The following AOAH variants were observed in gnomAD, a reference collection of about 807,000 sequenced individuals.
AOAH encodes acyloxyacyl hydrolase (neutrophil).
Under a neutral mutation model 92.2 loss-of-function variants are expected in AOAH, and 64 were observed. That is an observed-to-expected ratio of 0.69 (90% CI 0.57 to 0.86). The LOEUF is 0.86. Ranked by LOEUF, AOAH falls within the 40% of genes least tolerant of loss-of-function variation. AOAH has a pLI of 0.00. For missense variants in AOAH, 656 were observed against 694.6 expected (o/e 0.94, Z 0.62); for synonymous variants, 263 against 254.5 (o/e 1.03, Z -0.32).
intron 15 of AOAH, among the ~76,000 whole-genome samples, chr7:36,546,687 T>C (rs1173684007): frequency 6.6e-6 from 1 of 152,242 alleles, no homozygotes; most frequent in Non-Finnish European, 1.5e-5. Context: ...GCACATGTTC[T>C]TTATTCAGTA....
chr7:36,678,550 A>AGTGTGTGTGTGTGTGTGTGTGT (rs529261307), intron 2 of AOAH, among the ~76,000 whole-genome samples: 23 of 118,932 alleles, frequency 1.9e-4, no homozygotes, highest in East Asian at 9.8e-4. Context: ...TAAGATAAGC[A>AGTGTGTGTGTGTGTGTGTGTGT]GTGTGTGTGT....
intron 1 of AOAH, among the ~76,000 whole-genome samples, chr7:36,706,485 G>C (rs1229319820): frequency 6.6e-6 from 1 of 152,120 alleles, no homozygotes; most frequent in Non-Finnish European, 1.5e-5. Context: ...AGGGCCCTAG[G>C]ATTTTCATTA....
rs7785081 is a variant in AOAH, at chr7:36,705,473, G to A, written c.127+18549C>T. Among the ~76,000 whole-genome samples, 552 of 152,276 alleles carry A rather than the reference G, an allele frequency of 3.6e-3. 3 individuals carry two copies. Among genetic ancestry groups the A allele is most frequent in the African/African-American group, 0.013 (537 of 41,560 alleles). ...GGAGAAATACAAACCATTGCTCAAG[G>A]AAATAAGAGAGGACACAAACAAATG... On this transcript the variant is annotated intron_variant, in intron 1 of 20. Transcript: ENST00000617537.
intron 11 of AOAH, among the ~76,000 whole-genome samples, chr7:36,612,363 C>T (rs1688019835): frequency 6.6e-6 from 1 of 152,100 alleles, no homozygotes. Context: ...ATTTCTTGCC[C>T]ATAAATATGT....
intron 2 of AOAH, among the ~76,000 whole-genome samples, chr7:36,678,598 T>TCCC (rs1796428318): frequency 3.1e-5 from 4 of 127,402 alleles, no homozygotes; most frequent in Non-Finnish European, 5.3e-5. Context: ...TGTGTGTGTG[T>TCCC]GTGCGCGCGC....
At chr7:36,653,928 C>T (rs1794725518) in intron 4 of AOAH, among the ~76,000 whole-genome samples, 1 of 152,150 alleles carries the variant, frequency 6.6e-6, no homozygotes, top group South Asian at 2.1e-4. Context: ...GCTTCTGGCT[C>T]AAGCAGGGGC....
chr7:36,551,099 A>T, intron 13 of AOAH, among the ~76,000 whole-genome samples: 1 of 138,970 alleles, frequency 7.2e-6, no homozygotes, highest in African/African-American at 2.7e-5. Flanking sequence ...TTTTAGACAG[A>T]GTCTTGCTCT....
rs143739743 is a variant in AOAH at position 36,680,023 on chromosome 7, A to T, written c.224-6014T>A. Among the ~76,000 whole-genome samples the T allele has an allele frequency of 2.2e-3, 338 of 152,334 alleles. 1 individual carries two copies. Among genetic ancestry groups the T allele is most frequent in the Middle Eastern group, 6.8e-3 (2 of 294 alleles). ...GACTTTCAGAACCTCCAGAGTAGGCATGAAGTGCCTTCTTTCTTTTAAGAC... is the reference window on the plus strand; with the variant it reads ...GACTTTCAGAACCTCCAGAGTAGGCTTGAAGTGCCTTCTTTCTTTTAAGAC... On this transcript the variant is annotated intron_variant, in intron 2 of 20. Transcript: ENST00000617537.
At chr7:36,639,636 G>C (rs1793761870) in intron 4 of AOAH, among the ~76,000 whole-genome samples, 1 of 152,104 alleles carries the variant, frequency 6.6e-6, no homozygotes, top group Admixed American at 6.5e-5. Flanking sequence ...GCCTTTTTCT[G>C]GTTTTCTAAA....
intron 12 of AOAH, among the ~76,000 whole-genome samples, chr7:36,585,704 C>T: frequency 6.6e-6 from 1 of 152,112 alleles, no homozygotes; most frequent in South Asian, 2.1e-4. Context: ...AGGTTAAACA[C>T]AATATGATAG....
chr7:36,597,942 T>C (rs1790254727), intron 11 of AOAH: 1 of 151,620 alleles, frequency 6.6e-6, no homozygotes, highest in Non-Finnish European at 1.5e-5. Flanking sequence ...CTGACACCAC[T>C]GGAAATAAGT....
chr7:36,598,510 T>C (rs1361030102), intron 11 of AOAH, among the ~76,000 whole-genome samples: 4 of 152,206 alleles, frequency 2.6e-5, no homozygotes, highest in African/African-American at 7.2e-5. Context: ...TCAGCAAAAC[T>C]GTGAGGAAGA....
Position 36,618,339 on chromosome 7 carries a change from C to A in AOAH, c.709G>T (p.Asp237Tyr). 6.2e-7 allele frequency: 1 copy of A among 1,613,912 alleles called. No individual in the cohort carries two copies. The highest frequency in any genetic ancestry group is 8.5e-7 in the Non-Finnish European group (1 of 1,179,886). The change falls in exon 10 of 21, where the codon GAT (aspartate) becomes TAT (tyrosine). Residue 237 changes from aspartate to tyrosine, a missense_variant. Asp to Tyr is a radical substitution (Grantham distance 160). Coordinates refer to ENST00000617537, the MANE Select transcript of AOAH (RefSeq NM_001637.4). ...TCATATGGAACTCCATCTTTTGGAT[C>A]GACACCCTTTAAAAAAGAAACGATG... ...DSNCNGIWGVDPKDGVPYEKK... is the reference protein window; with the variant it reads ...DSNCNGIWGVYPKDGVPYEKK...
At chr7:36,613,117 G>A (rs566992556) in intron 11 of AOAH, among the ~76,000 whole-genome samples, 2 of 152,178 alleles carry the variant, frequency 1.3e-5, no homozygotes, top group South Asian at 4.1e-4. Flanking sequence ...GCATATGTCT[G>A]GTATATTTTC....
intron 2 of AOAH, among the ~76,000 whole-genome samples, chr7:36,678,116 A>G (rs1796374499): frequency 6.6e-6 from 1 of 152,204 alleles, no homozygotes; most frequent in African/African-American, 2.4e-5. Context: ...TGTGAATTGT[A>G]GCTTAATAAA....
intron 13 of AOAH, 105 bp downstream of exon 13, chr7:36,576,469 T>A (rs1788506002): frequency 2.9e-6 from 2 of 695,068 alleles, no homozygotes; most frequent in Admixed American, 2.9e-5. Flanking sequence ...CCGTTCATTT[T>A]ATTCTGTGAT....
At position 36,517,225 on chromosome 7, in the gene AOAH, TG is replaced by T. The variant is rs1562854077; in HGVS notation, c.1600-3846del. Among the ~76,000 whole-genome samples the T allele has an allele frequency of 1.2e-3, 85 of 71,066 alleles. 2 individuals carry two copies. The highest frequency in any genetic ancestry group is 3.1e-3 in the Admixed American group (17 of 5,478). 46.6% of individuals were successfully genotyped at this position (71,066 alleles called of 152,430 possible). A position where few individuals can be genotyped will look rare whatever the true frequency, so the allele number is the denominator to read the frequency against. On this transcript the variant is annotated intron_variant, in intron 20 of 20. Coordinates refer to ENST00000617537, the MANE Select transcript of AOAH (RefSeq NM_001637.4). Reference sequence around the variant, plus strand: ...TTCTTTCTTTCTTTCTCTTTCTTTCTGTCTCTCTCTCTCTCTCTCTTTCTTT... The same window carrying T: ...TTCTTTCTTTCTTTCTCTTTCTTTCTTCTCTCTCTCTCTCTCTCTTTCTTT...
At chr7:36,701,989 T>C (rs1798061604) in intron 1 of AOAH, among the ~76,000 whole-genome samples, 1 of 152,126 alleles carries the variant, frequency 6.6e-6, no homozygotes, top group Non-Finnish European at 1.5e-5. Flanking sequence ...CTTTACCTTA[T>C]CATAATGTAT....
intron 1 of AOAH, among the ~76,000 whole-genome samples, chr7:36,721,952 A>T (rs769705911): frequency 6.6e-6 from 1 of 152,184 alleles, no homozygotes; most frequent in Non-Finnish European, 1.5e-5. Flanking sequence ...CTAAGCTGCC[A>T]GGTAAGAAAG....
Sources: allele counts gnomAD v4.1 joint callset (sites outside exome capture counted in the v4.1 genomes callset), GRCh38; gene constraint gnomAD v4.1.1; transcripts MANE v1.5; gene names NCBI Gene and HGNC (gene_info 2026-07-23, HGNC 2026-07-21).